Variants in GLIS3 observed in about 807,000 individuals in gnomAD.
The protein encoded by GLIS3 is zinc finger protein GLIS3.
GLIS3 carries 53 observed loss-of-function variants against 78.6 expected under a neutral mutation model. The observed-to-expected ratio is 0.67, with a 90% CI of 0.54 to 0.85. The LOEUF is 0.85. Ranked by LOEUF, GLIS3 falls within the 40% of genes least tolerant of loss-of-function variation. The pLI is 0.00. For missense variants in GLIS3, 1,703 were observed against 1,231.1 expected, an observed-to-expected ratio of 1.38 and a Z score of -5.74; for synonymous variants, 684 against 509.9, an observed-to-expected ratio of 1.34 and a Z score of -4.60.
At chr9:4,280,409 A>G (rs1827438977) in intron 2 of GLIS3, among the ~76,000 whole-genome samples, 1 of 152,218 alleles carries the variant, frequency 6.6e-6, no homozygotes, top group South Asian at 2.1e-4. Context: ...TTTTGGTTAT[A>G]TAACATGAAA....
intron 8 of GLIS3, among the ~76,000 whole-genome samples, chr9:3,867,046 A>G (rs1356672944): frequency 6.6e-6 from 1 of 152,208 alleles, no homozygotes; most frequent in Non-Finnish European, 1.5e-5. Context: ...ATTAGATGTG[A>G]GAGTGTTTGG....
intron 4 of GLIS3, among the ~76,000 whole-genome samples, chr9:4,085,765 G>A (rs1305709348): frequency 6.6e-6 from 1 of 151,998 alleles, no homozygotes; most frequent in Non-Finnish European, 1.5e-5. Context: ...GTTAAAAATG[G>A]TGGCACCCCA....
the GLIS3 span, among the ~76,000 whole-genome samples, chr9:4,455,747 C>T: frequency 1.3e-5 from 2 of 152,166 alleles, no homozygotes; most frequent in South Asian, 2.1e-4. Flanking sequence ...ATTGCAGGTT[C>T]GGTCCCAGAA....
the GLIS3 span, among the ~76,000 whole-genome samples, chr9:4,399,916 G>T: frequency 1.2e-4 from 18 of 152,320 alleles, no homozygotes; most frequent in African/African-American, 4.3e-4. Context: ...AGGGCCAGAG[G>T]TGAGATACTA....
chr9:4,193,715 T>G (rs1436069030), intron 2 of GLIS3, among the ~76,000 whole-genome samples: 3 of 152,190 alleles, frequency 2.0e-5, no homozygotes, highest in Non-Finnish European at 2.9e-5. Context: ...GGAGGGAGGC[T>G]GGGAGGAATG....
At chr9:4,420,475 A>G in the GLIS3 span, among the ~76,000 whole-genome samples, 2 of 152,238 alleles carry the variant, frequency 1.3e-5, no homozygotes, top group African/African-American at 4.8e-5. Context: ...ATCCAAGGAA[A>G]GTATAATTAG....
the GLIS3 span, among the ~76,000 whole-genome samples, chr9:4,371,004 A>G: frequency 6.6e-6 from 1 of 152,312 alleles, no homozygotes; most frequent in Non-Finnish European, 1.5e-5. Flanking sequence ...TGAGCCCTCA[A>G]ATGTTAACAG....
the GLIS3 span, among the ~76,000 whole-genome samples, chr9:4,412,207 T>C: frequency 5.9e-5 from 9 of 152,220 alleles, no homozygotes; most frequent in Non-Finnish European, 1.2e-4. Flanking sequence ...GGAGGGCTTA[T>C]CCTGCTATGA....
In GLIS3 at chr9:3,856,095, T is replaced by G. The variant is rs749485361; in HGVS notation, c.2387A>C (p.Tyr796Ser). 6.2e-7 allele frequency: 1 copy of G among 1,614,178 alleles called. No homozygotes were observed. Among genetic ancestry groups the G allele is most frequent in the Non-Finnish European group, 8.5e-7 (1 of 1,180,006 alleles). ...SSILQRTQPP[Y>S]TQQPSGSHLK... is the part of the protein sequence containing the mutation. ...GTGTGAACCTGATGGCTGCTGGGTA[T>G]AGGGAGGCTGTGTTCTTTGCAGTAT... is the stretch of plus-strand genomic sequence containing the variant. The change falls in exon 9 of 11, where the codon TAT (tyrosine) becomes TCT (serine). Residue 796 changes from tyrosine (Y) to serine (S), a missense_variant. Coordinates refer to ENST00000381971, the MANE Select transcript of GLIS3 (RefSeq NM_001042413.2).
chr9:4,476,255 C>T, the GLIS3 span, among the ~76,000 whole-genome samples: 62 of 152,100 alleles, frequency 4.1e-4, no homozygotes, highest in African/African-American at 1.5e-3. Context: ...TAATTCTTTA[C>T]AGTATCTTTT....
chr9:3,879,002 T>C (rs183940125), intron 8 of GLIS3, among the ~76,000 whole-genome samples: 5 of 152,240 alleles, frequency 3.3e-5, no homozygotes, highest in African/African-American at 1.2e-4. Flanking sequence ...GAGACAGATA[T>C]TAATATAAAG....
intron 2 of GLIS3, among the ~76,000 whole-genome samples, chr9:4,327,474 G>A (rs1007078939): frequency 6.6e-6 from 1 of 152,148 alleles, no homozygotes; most frequent in Non-Finnish European, 1.5e-5. Context: ...GGTGCACTAG[G>A]GAAGTCCTGG....
At chr9:4,472,156 G>T in the GLIS3 span, among the ~76,000 whole-genome samples, 2 of 152,218 alleles carry the variant, frequency 1.3e-5, no homozygotes, top group Non-Finnish European at 2.9e-5. Flanking sequence ...TACACGGTTG[G>T]TGGGACTGTA....
upstream of GLIS3, among the ~76,000 whole-genome samples, chr9:4,300,601 A>G (rs1817027088): frequency 6.6e-6 from 1 of 152,104 alleles, no homozygotes; most frequent in African/African-American, 2.4e-5. Context: ...AGAAGGGTAT[A>G]AAATTCTGAA....
chr9:4,357,379 C>G, the GLIS3 span, among the ~76,000 whole-genome samples: 1 of 152,188 alleles, frequency 6.6e-6, no homozygotes, highest in Admixed American at 6.5e-5. Flanking sequence ...CCCTCTCTGA[C>G]TGTTTTCAAG....
At chr9:3,910,194 T>C (rs1392682708) in intron 6 of GLIS3, among the ~76,000 whole-genome samples, 1 of 152,180 alleles carries the variant, frequency 6.6e-6, no homozygotes, top group Non-Finnish European at 1.5e-5. Flanking sequence ...ACAGAATAAC[T>C]GCTCACAGTC....
intron 4 of GLIS3, among the ~76,000 whole-genome samples, chr9:4,022,338 T>C (rs950819191): frequency 6.6e-6 from 1 of 152,214 alleles, no homozygotes; most frequent in Admixed American, 6.5e-5. Flanking sequence ...TTTTAGGTTT[T>C]CCCCCTTTTT....
the GLIS3 span, among the ~76,000 whole-genome samples, chr9:4,366,497 A>C: frequency 0.087 from 13,294 of 152,234 alleles, 812 homozygotes; most frequent in Non-Finnish European, 0.12. Context: ...TGGGGGTCAT[A>C]AAGACACTGC....
intron 4 of GLIS3, among the ~76,000 whole-genome samples, chr9:4,089,078 C>T (rs1294313059): frequency 1.3e-5 from 2 of 152,222 alleles, no homozygotes; most frequent in African/African-American, 4.8e-5. Context: ...TAAATGTTTG[C>T]TTTACTTTTA....
Sources: allele counts gnomAD v4.1 joint callset (sites outside exome capture counted in the v4.1 genomes callset), GRCh38; gene constraint gnomAD v4.1.1; transcripts MANE v1.5; gene names NCBI Gene and HGNC (gene_info 2026-07-23, HGNC 2026-07-21).